STAT2: variants seen among roughly 807,000 people sequenced by gnomAD.
STAT2 encodes signal transducer and activator of transcription 2.
A neutral mutation model predicts 122.3 loss-of-function variants in STAT2; 51 were observed. The ratio of observed to expected loss-of-function variants is 0.42; its 90% CI spans 0.33 to 0.53. The LOEUF is 0.53. Among genes scored for constraint, STAT2 ranks in the 20% least tolerant of loss-of-function variants. STAT2 has a pLI of 0.10. For missense variants in STAT2, 736 were observed against 1,010.3 expected (o/e 0.73, Z 3.68); for synonymous variants, 351 against 394.9 (o/e 0.89, Z 1.32).
intron 8 of STAT2, among the ~76,000 whole-genome samples, chr12:56,352,136 T>C (rs1408171538): frequency 1.3e-5 from 2 of 152,002 alleles, no homozygotes; most frequent in Non-Finnish European, 2.9e-5. Context: ...TGACCTCAGG[T>C]GATCCGCCCA....
Position 56,346,521 on chromosome 12 carries a change from A to G in STAT2, c.1965T>C (p.Asn655=). The G allele has an allele frequency of 2.5e-6, 4 of 1,614,226 alleles. No individual in the cohort carries two copies. Among genetic ancestry groups the G allele is most frequent in the Non-Finnish European group, 3.4e-6 (4 of 1,180,042 alleles). Residue 655 remains asparagine (N), a synonymous_variant, in exon 21 of 24, where the codon AAT becomes AAC. Coordinates refer to ENST00000314128, the MANE Select transcript of STAT2 (RefSeq NM_005419.4). ...GGAAGCGCAGTGGGTTTTCAGGTAT[A>G]TTCTCCTCAGTGAGCAACTGGTAAT... is the stretch of plus-strand genomic sequence containing the variant. ...IRHYQLLTEE[N]IPENPLRFLY...
intron 2 of STAT2, 26 bp from the exon 3 acceptor site, chr12:56,356,311 A>G: frequency 6.2e-7 from 1 of 1,609,772 alleles, no homozygotes; most frequent in Non-Finnish European, 8.5e-7. Context: ...AAGAAGTATT[A>G]GTGTCTCTGC....
intron 8 of STAT2, among the ~76,000 whole-genome samples, chr12:56,354,016 A>AAAAAAAAAAAAAAAAATAT (rs71081350): frequency 6.0e-5 from 1 of 16,678 alleles, no homozygotes; most frequent in African/African-American, 1.1e-4. Context: ...AAAAAAAAAA[A>AAAAAAAAAAAAAAAAATAT]ATATATATAT....
At chr12:56,345,135 C>T (rs77486626) in intron 22 of STAT2, among the ~76,000 whole-genome samples, 421 of 140,444 alleles carry the variant, frequency 3.0e-3, no homozygotes, top group Admixed American at 4.8e-3. Flanking sequence ...AATTGCACCA[C>T]TGCACTCCAG....
At chr12:56,348,214 A>C (rs1300878677) in intron 19 of STAT2, among the ~76,000 whole-genome samples, 9 of 150,688 alleles carry the variant, frequency 6.0e-5, no homozygotes, top group Admixed American at 2.0e-4. Flanking sequence ...CAGCCTCCTG[A>C]GTAGCTGGGA....
chr12:56,343,236 C>T lies in STAT2; in HGVS notation c.*153G>A, dbSNP rs1463758800. On this transcript the variant is annotated 3_prime_UTR_variant, in exon 24 of 24. Transcript: ENST00000314128. ...CTCTGTACCCATGTTATGCTTTCAC[C>T]TCTCACCCCAATGGAGTCACACAGG... The T allele has an allele frequency of 4.9e-6, 5 of 1,023,164 alleles. No individual in the cohort carries two copies. Among genetic ancestry groups the T allele is most frequent in the Non-Finnish European group, 7.0e-6 (5 of 713,020 alleles). 63.4% of individuals were successfully genotyped at this position (1,023,164 alleles called of 1,614,324 possible). A position where few individuals can be genotyped will look rare whatever the true frequency, so the allele number is the denominator to read the frequency against.
Position 56,346,591 on chromosome 12 carries a change from G to A in STAT2, c.1895C>T (p.Thr632Met), listed in dbSNP as rs143059589. 5.0e-6 allele frequency: 8 copies of A among 1,614,176 alleles called. No individual in the cohort carries two copies. The highest frequency in any genetic ancestry group is 6.8e-6 in the Non-Finnish European group (8 of 1,180,030). The change falls in exon 21 of 24, where the codon ACG (threonine) becomes ATG (methionine). Residue 632 changes from threonine to methionine, a missense_variant. Thr to Met is a moderately conservative substitution (Grantham distance 81). Coordinates refer to ENST00000314128, the MANE Select transcript of STAT2 (RefSeq NM_005419.4). ...KVLIYSVQPYTKEVLQSLPLT... is the reference protein window; with the variant it reads ...KVLIYSVQPYMKEVLQSLPLT... ...CGGGAGTGACTGCAGCACCTCCTTC[G>A]TGTACGGTTGCACAGAGTAGATGAG...
At position 56,352,615 on chromosome 12, in the gene STAT2, C is replaced by CAATCA. The variant is rs1565655933; in HGVS notation, c.783-1166_783-1165insTGATT. Among the ~76,000 whole-genome samples, 3 of 104,450 alleles carry CAATCA rather than the reference C, an allele frequency of 2.9e-5. No individual in the cohort carries two copies. The East Asian group carries it at 6.2e-4, about 22-fold the overall frequency. 68.5% of individuals were successfully genotyped at this position (104,450 alleles called of 152,430 possible). A position where few individuals can be genotyped will look rare whatever the true frequency, so the allele number is the denominator to read the frequency against. On this transcript the variant is annotated intron_variant, in intron 8 of 23. Coordinates refer to ENST00000314128, the MANE Select transcript of STAT2 (RefSeq NM_005419.4). ...CAATCAATCAATCAATCAATCAATGCATGCATGCATGCATGCTGGTCCTGT... is the reference window on the plus strand; with the variant it reads ...CAATCAATCAATCAATCAATCAATGCAATCAATGCATGCATGCATGCTGGTCCTGT...
Position 56,351,196 on chromosome 12 carries a change from G to C in STAT2, c.942-6C>G, listed in dbSNP as rs761698981. 6.2e-7 allele frequency: 1 copy of C among 1,613,442 alleles called. No individual in the cohort carries two copies. The highest frequency in any genetic ancestry group is 8.5e-7 in the Non-Finnish European group (1 of 1,179,548). ...GGGTTTCTACCACAAAGGCTCTGAG[G>C]AGAGAGAGGTGTGGAGAGAATATAT... On this transcript the variant is annotated splice_polypyrimidine_tract_variant and splice_region_variant and intron_variant, in intron 9 of 23. Coordinates refer to ENST00000314128, the MANE Select transcript of STAT2 (RefSeq NM_005419.4).
rs1284887640 is a variant in STAT2 at position 56,346,631 on chromosome 12, A to T, written c.1862-7T>A. ...GAGTAGATGAGCACCTTGTCTGGAGAGTGAATGCAGGAACAGGCGGGCTTG... is the reference window on the plus strand; with the variant it reads ...GAGTAGATGAGCACCTTGTCTGGAGTGTGAATGCAGGAACAGGCGGGCTTG... On this transcript the variant is annotated splice_region_variant and splice_polypyrimidine_tract_variant and intron_variant, in intron 20 of 23. Coordinates refer to ENST00000314128, the MANE Select transcript of STAT2 (RefSeq NM_005419.4). 1.2e-6 allele frequency: 2 copies of T among 1,613,656 alleles called. No homozygotes were observed. Among genetic ancestry groups the T allele is most frequent in the Non-Finnish European group, 1.7e-6 (2 of 1,179,780 alleles).
rs1877523282 is a variant in STAT2, at chr12:56,346,746, G to A, written c.1861+73C>T. The stretch of plus-strand genomic sequence containing the variant: ...TCAGTTCAGAGCCAGGGAAGCCAAG[G>A]GCAGGCAGAGGGGCAAGAGGGGAGC... On this transcript the variant is annotated intron_variant, in intron 20 of 23. Coordinates refer to ENST00000314128, the MANE Select transcript of STAT2 (RefSeq NM_005419.4). The A allele has an allele frequency of 2.5e-6, 4 of 1,608,034 alleles. No homozygotes were observed. In the South Asian group the frequency reaches 3.3e-5, roughly 13 times the overall value.
chr12:56,351,676 A>T (rs562790633), intron 8 of STAT2, among the ~76,000 whole-genome samples: 6 of 152,228 alleles, frequency 3.9e-5, no homozygotes, highest in Non-Finnish European at 8.8e-5. Context: ...TTAACATAAC[A>T]GTTTTCATAT....
At chr12:56,359,731 T>A (rs944703681) in intron 1 of STAT2, among the ~76,000 whole-genome samples, 1 of 152,242 alleles carries the variant, frequency 6.6e-6, no homozygotes, top group Non-Finnish European at 1.5e-5. Flanking sequence ...TGTTTTTAGA[T>A]TTATCTATCT....
intron 8 of STAT2, among the ~76,000 whole-genome samples, chr12:56,353,785 G>C (rs1878927743): frequency 6.6e-6 from 1 of 151,148 alleles, no homozygotes; most frequent in Non-Finnish European, 1.5e-5. Flanking sequence ...CCTGAAGTCA[G>C]GAGTTTGAGA....
chr12:56,346,053 T>C (rs1877398203), intron 22 of STAT2, 93 bp downstream of exon 22: 1 of 1,605,484 alleles, frequency 6.2e-7, no homozygotes, highest in Non-Finnish European at 8.5e-7. Context: ...ATCCTGGTGC[T>C]CCACCCAGGA....
chr12:56,351,862 T>C (rs1439345177), intron 8 of STAT2, among the ~76,000 whole-genome samples: 1 of 152,050 alleles, frequency 6.6e-6, no homozygotes, highest in Non-Finnish European at 1.5e-5. Flanking sequence ...AGCTTGTATG[T>C]GATCCCAGGC....
chr12:56,349,245 A>G lies in STAT2; in HGVS notation c.1358T>C (p.Val453Ala), dbSNP rs1163894108. The change falls in exon 16 of 24, where the codon GTG (valine) becomes GCG (alanine). Residue 453 changes from valine (V) to alanine (A), a missense_variant. Physicochemically the swap from Val to Ala is moderately conservative, Grantham distance 64. Coordinates refer to ENST00000314128, the MANE Select transcript of STAT2 (RefSeq NM_005419.4). ...CTGGTTCATGTTGGAAATAATCACC[A>G]CAGGGAGGGTGTCCGTCTGGGGAGA... ...KQELKTDTLPVVIISNMNQLS... is the reference protein window; with the variant it reads ...KQELKTDTLPAVIISNMNQLS... 12 of 1,614,050 alleles carry G rather than the reference A, an allele frequency of 7.4e-6. No individual in the cohort carries two copies. The highest frequency in any genetic ancestry group is 9.3e-6 in the Non-Finnish European group (11 of 1,180,028).
chr12:56,355,626 G>C (rs1879384604), intron 4 of STAT2, 82 bp downstream of exon 4: 1 of 1,594,544 alleles, frequency 6.3e-7, no homozygotes, highest in Non-Finnish European at 8.6e-7. Flanking sequence ...GGGGGATCCT[G>C]TTCTGAGACA....
At chr12:56,355,022 A>G in intron 6 of STAT2, 159 bp from the exon 7 acceptor site, 1 of 781,130 alleles carries the variant, frequency 1.3e-6, no homozygotes, top group Non-Finnish European at 2.1e-6. Flanking sequence ...CTGAATGGTC[A>G]TGCTTGGACC....
Sources: gnomAD v4.1 joint callset for allele counts (sites outside exome capture counted in the v4.1 genomes callset) on GRCh38, gnomAD v4.1.1 for gene constraint, MANE v1.5 for transcripts, NCBI Gene and HGNC (gene_info 2026-07-23, HGNC 2026-07-21) for gene names.